The following ST3GAL3 variants were observed in gnomAD, a reference collection of about 807,000 sequenced individuals.
ST3GAL3 encodes the protein ST3 beta-galactoside alpha-2,3-sialyltransferase 3.
Under a neutral mutation model 50.1 loss-of-function variants are expected in ST3GAL3, and 21 were observed. The ratio of observed to expected loss-of-function variants is 0.42; its 90% CI spans 0.30 to 0.60. The LOEUF is 0.60. Ranked by LOEUF, ST3GAL3 falls within the 20% of genes least tolerant of loss-of-function variation. The pLI is 0.19. For synonymous variants in ST3GAL3, 183 were observed against 190.0 expected (o/e 0.96, Z 0.30); for missense variants, 353 against 489.4 (o/e 0.72, Z 2.63).
chr1:43,888,181 G>A (rs2428851), intron 5 of ST3GAL3, among the ~76,000 whole-genome samples: 123,854 of 152,140 alleles, frequency 0.81, 51,271 homozygotes, highest in Non-Finnish European at 0.89. Flanking sequence ...TGGTCTTTAA[G>A]CCAACCAGAA....
intron 10 of ST3GAL3, 115 bp downstream of exon 10, chr1:43,920,665 A>G: frequency 3.7e-6 from 6 of 1,605,412 alleles, no homozygotes; most frequent in Non-Finnish European, 5.1e-6. Flanking sequence ...TCTGGGGAAG[A>G]GGGCTCAGTC....
At chr1:43,810,929 C>G (rs576199497) in intron 3 of ST3GAL3, among the ~76,000 whole-genome samples, 51 of 152,120 alleles carry the variant, frequency 3.4e-4, no homozygotes, top group African/African-American at 1.2e-3. Context: ...CCCTGAGACC[C>G]TCTGCACTCT....
At chr1:43,848,098 C>T (rs1416198394) in intron 5 of ST3GAL3, among the ~76,000 whole-genome samples, 2 of 152,094 alleles carry the variant, frequency 1.3e-5, no homozygotes, top group Non-Finnish European at 2.9e-5. Flanking sequence ...CCTGTTCTCA[C>T]TTCCACCACC....
intron 1 of ST3GAL3, 29 bp from the exon 2 acceptor site, chr1:43,736,204 T>G (rs1038778331): frequency 6.3e-7 from 1 of 1,598,234 alleles, no homozygotes; most frequent in Non-Finnish European, 8.6e-7. Context: ...GTGCTTTGTC[T>G]TTTAAGAACT....
At chr1:43,905,018 A>C (rs1337296129) in intron 9 of ST3GAL3, among the ~76,000 whole-genome samples, 33 of 40,122 alleles carry the variant, frequency 8.2e-4, no homozygotes, top group Admixed American at 1.7e-3. Flanking sequence ...TCTTCCCACC[A>C]CTCTTCCTCC....
At chr1:43,761,676 C>G (rs925253076) in intron 2 of ST3GAL3, among the ~76,000 whole-genome samples, 1 of 151,652 alleles carries the variant, frequency 6.6e-6, no homozygotes, top group Non-Finnish European at 1.5e-5. Flanking sequence ...CTGGGCCGGG[C>G]GCGGTGGCTC....
Position 43,736,345 on chromosome 1 carries a change from G to A in ST3GAL3, c.83G>A (p.Trp28Ter). ...LVLGFLYYSA[W>*]KLHLLQWEED... is the part of the protein sequence containing the mutation. ...CTGGGATTTTTGTATTATTCTGCGT[G>A]GAAGCTACACTTACTCCAGTGGGAG... The change falls in exon 2 of 12, where the codon TGG (tryptophan) becomes TAG (stop). Residue 28 changes from tryptophan (W) to a stop codon, truncating the protein, a stop_gained. Transcript: ENST00000347631. LOFTEE classifies it high-confidence loss of function. 6.2e-7 allele frequency: 1 copy of A among 1,614,100 alleles called. No individual in the cohort carries two copies. Among genetic ancestry groups the A allele is most frequent in the Non-Finnish European group, 8.5e-7 (1 of 1,180,016 alleles).
intron 5 of ST3GAL3, chr1:43,850,189 A>T (rs2067013930): frequency 3.8e-6 from 1 of 262,678 alleles, no homozygotes. Context: ...CTCAAAGGAA[A>T]CAAGTGTCAG....
intron 5 of ST3GAL3, among the ~76,000 whole-genome samples, chr1:43,875,272 A>G (rs1453616923): frequency 2.0e-5 from 3 of 152,190 alleles, no homozygotes; most frequent in Non-Finnish European, 4.4e-5. Flanking sequence ...CTATAGATAC[A>G]TGGAGGCAGT....
At chr1:43,748,471 C>T (rs999720362) in intron 2 of ST3GAL3, among the ~76,000 whole-genome samples, 2 of 144,436 alleles carry the variant, frequency 1.4e-5, no homozygotes, top group African/African-American at 2.6e-5. Flanking sequence ...CTCTGTCATC[C>T]AGGCTGGAGT....
At chr1:43,901,754 G>A (rs2078313339) in intron 9 of ST3GAL3, among the ~76,000 whole-genome samples, 2 of 152,218 alleles carry the variant, frequency 1.3e-5, no homozygotes, top group African/African-American at 2.4e-5. Context: ...GCCACACCCA[G>A]GGCTCTAGGA....
At chr1:43,724,098 C>T (rs1558014584) in intron 1 of ST3GAL3, among the ~76,000 whole-genome samples, 2 of 151,402 alleles carry the variant, frequency 1.3e-5, no homozygotes, top group African/African-American at 4.8e-5. Flanking sequence ...TATATGTATG[C>T]ATATATATAT....
At chr1:43,721,252 GA>G (rs1184371925) in intron 1 of ST3GAL3, among the ~76,000 whole-genome samples, 10 of 69,656 alleles carry the variant, frequency 1.4e-4, no homozygotes, top group East Asian at 4.9e-4. Flanking sequence ...CTCTTAAAAA[GA>G]AAAAAAAAAG....
chr1:43,812,032 T>C (rs1041775011), intron 3 of ST3GAL3, among the ~76,000 whole-genome samples: 24 of 152,318 alleles, frequency 1.6e-4, no homozygotes, highest in African/African-American at 5.5e-4. Context: ...AAATTTTCTT[T>C]CTAGCATCCT....
chr1:43,810,010 G>GA lies in ST3GAL3; in HGVS notation c.167-4878dup, dbSNP rs1558400249. Among the ~76,000 whole-genome samples, 4 of 134,874 alleles carry GA rather than the reference G, an allele frequency of 3.0e-5. 1 individual carries two copies. The highest frequency in any genetic ancestry group is 2.9e-5 in the African/African-American group (1 of 34,580). The allele number at this position is 134,874 out of a possible 152,430, so 88.5% of individuals were successfully genotyped here. On this transcript the variant is annotated intron_variant, in intron 3 of 11. Transcript: ENST00000347631. ...CCTGTCTCAAAAAAAAAAAAAAAAAGAAAGAAAGAAAAAAGAAAAGAAACA... is the reference window on the plus strand; with the variant it reads ...CCTGTCTCAAAAAAAAAAAAAAAAAGAAAAGAAAGAAAAAAGAAAAGAAACA...
In ST3GAL3 at chr1:43,712,123, T is replaced by A. The variant is rs139017437; in HGVS notation, c.-31+4430T>A. Among the ~76,000 whole-genome samples the A allele has an allele frequency of 4.0e-3, 608 of 152,320 alleles. 4 individuals carry two copies. Among genetic ancestry groups the A allele is most frequent in the African/African-American group, 0.014 (573 of 41,574 alleles). ...TTATTTTTGAGCCTAAGTTTCCTCA[T>A]CAGTGAAATGCATGGGGCAGTTGTG... On this transcript the variant is annotated intron_variant, in intron 1 of 11. Coordinates refer to ENST00000347631, the MANE Select transcript of ST3GAL3 (RefSeq NM_006279.5).
intron 6 of ST3GAL3, among the ~76,000 whole-genome samples, chr1:43,895,949 A>C (rs16831384): frequency 0.014 from 2,101 of 152,308 alleles, 45 homozygotes; most frequent in African/African-American, 0.048. Flanking sequence ...AACAAAGCCC[A>C]ATCCATATCC....
intron 1 of ST3GAL3, among the ~76,000 whole-genome samples, chr1:43,714,980 A>G (rs1346929620): frequency 6.6e-6 from 1 of 152,104 alleles, no homozygotes; most frequent in Non-Finnish European, 1.5e-5. Flanking sequence ...TTATTTGTCT[A>G]TGTATCATAA....
At chr1:43,774,290 T>C (rs1177537056) in intron 2 of ST3GAL3, among the ~76,000 whole-genome samples, 1 of 152,236 alleles carries the variant, frequency 6.6e-6, no homozygotes, top group Non-Finnish European at 1.5e-5. Context: ...ATTGTTACTC[T>C]TGTTTCACTG....
Sources: gnomAD v4.1 joint callset for allele counts (sites outside exome capture counted in the v4.1 genomes callset) on GRCh38, gnomAD v4.1.1 for gene constraint, MANE v1.5 for transcripts, NCBI Gene and HGNC (gene_info 2026-07-23, HGNC 2026-07-21) for gene names.